The following PITPNB variants were observed in gnomAD, a reference collection of about 807,000 sequenced individuals.
The protein encoded by PITPNB is phosphatidylinositol transfer protein beta.
PITPNB carries 16 observed loss-of-function variants against 45.9 expected under a neutral mutation model. That is an observed-to-expected ratio of 0.35 (90% CI 0.24 to 0.53). PITPNB has a LOEUF of 0.53. Among genes scored for constraint, PITPNB ranks in the 20% least tolerant of loss-of-function variants. PITPNB has a pLI of 0.93. For synonymous variants in PITPNB, 112 were observed against 108.9 expected (o/e 1.03, Z -0.18); for missense variants, 188 against 330.5 (o/e 0.57, Z 3.34).
intron 3 of PITPNB, among the ~76,000 whole-genome samples, chr22:27,904,794 T>C (rs932617479): frequency 2.6e-5 from 4 of 152,072 alleles, no homozygotes; most frequent in Non-Finnish European, 5.9e-5. Context: ...ACAGAAATGA[T>C]TTACAACCCC....
chr22:27,910,082 C>T (rs1807581), intron 3 of PITPNB, among the ~76,000 whole-genome samples: 29,883 of 151,766 alleles, frequency 0.2, 3,353 homozygotes, highest in Admixed American at 0.33. Flanking sequence ...TCCCAAGTAG[C>T]TGGGACTATA....
chr22:27,892,048 C>T (rs1935295016), intron 7 of PITPNB, among the ~76,000 whole-genome samples: 1 of 152,208 alleles, frequency 6.6e-6, no homozygotes, highest in Non-Finnish European at 1.5e-5. Context: ...AACACAGATC[C>T]TCCTCACTTG....
chr22:27,867,542 G>T (rs1218329886), intron 8 of PITPNB, among the ~76,000 whole-genome samples: 1 of 152,192 alleles, frequency 6.6e-6, no homozygotes, highest in African/African-American at 2.4e-5. Context: ...CATTTTCCAT[G>T]TTCCTCCAAA....
intron 7 of PITPNB, among the ~76,000 whole-genome samples, chr22:27,882,996 C>G (rs1935017819): frequency 6.6e-6 from 1 of 152,194 alleles, no homozygotes; most frequent in Non-Finnish European, 1.5e-5. Context: ...CCTGTAAGTA[C>G]CCACACCAAA....
chr22:27,876,474 A>G (rs953984439), intron 7 of PITPNB, among the ~76,000 whole-genome samples: 1 of 152,242 alleles, frequency 6.6e-6, no homozygotes, highest in Non-Finnish European at 1.5e-5. Flanking sequence ...AGATGAGAAT[A>G]ATGAATCTTG....
At chr22:27,894,459 G>A in intron 7 of PITPNB, 96 bp downstream of exon 7, 1 of 718,752 alleles carries the variant, frequency 1.4e-6, no homozygotes, top group Non-Finnish European at 2.5e-6. Flanking sequence ...AAGAAAGAAA[G>A]GAAATAATTT....
intron 9 of PITPNB, among the ~76,000 whole-genome samples, chr22:27,858,905 T>C (rs899979502): frequency 1.3e-5 from 2 of 152,218 alleles, no homozygotes; most frequent in Non-Finnish European, 2.9e-5. Context: ...TAACATTCAC[T>C]ATGAGGTGGA....
At chr22:27,881,064 G>C (rs979187851) in intron 7 of PITPNB, among the ~76,000 whole-genome samples, 1 of 152,236 alleles carries the variant, frequency 6.6e-6, no homozygotes, top group Admixed American at 6.5e-5. Flanking sequence ...ATCTGAAAGT[G>C]TGTGACCATG....
chr22:27,911,566 T>C (rs1224610345), intron 2 of PITPNB, among the ~76,000 whole-genome samples: 1 of 152,170 alleles, frequency 6.6e-6, no homozygotes, highest in Non-Finnish European at 1.5e-5. Flanking sequence ...TTGCTCTTAA[T>C]GATAAAGGGG....
intron 1 of PITPNB, among the ~76,000 whole-genome samples, chr22:27,918,509 A>G (rs1311454586): frequency 3.9e-5 from 6 of 152,238 alleles, no homozygotes; most frequent in African/African-American, 1.4e-4. Context: ...TCCATTTGAC[A>G]GAGCACGTGT....
chr22:27,914,493 G>T lies in PITPNB; in HGVS notation c.21-146C>A, dbSNP rs1433217592. ...TACAAGGGTGTCATTTATGGAAGAG[G>T]GTCTTTGCAATGCCTACACCATAAT... is the stretch of plus-strand genomic sequence containing the variant. On this transcript the variant is annotated intron_variant, in intron 1 of 11. Transcript: ENST00000335272. The T allele has an allele frequency of 3.8e-5, 21 of 556,658 alleles. No individual in the cohort carries two copies. In the South Asian group the frequency reaches 5.1e-4, roughly 14 times the overall value. The allele number at this position is 556,658 out of a possible 1,614,324, so 34.5% of individuals were successfully genotyped here.
intron 9 of PITPNB, among the ~76,000 whole-genome samples, chr22:27,858,990 A>C (rs1934245320): frequency 6.6e-6 from 1 of 152,104 alleles, no homozygotes. Flanking sequence ...CTCTCCCTTA[A>C]TTTTTCTACA....
At chr22:27,873,904 C>T (rs184716604) in intron 7 of PITPNB, 89 bp from the exon 8 acceptor site, 8 of 816,320 alleles carry the variant, frequency 9.8e-6, no homozygotes, top group Admixed American at 1.9e-5. Flanking sequence ...GCTACCAAAA[C>T]ACAGGACAGA....
At chr22:27,907,619 C>G (rs1484203847) in intron 3 of PITPNB, among the ~76,000 whole-genome samples, 1 of 152,064 alleles carries the variant, frequency 6.6e-6, no homozygotes, top group Non-Finnish European at 1.5e-5. Flanking sequence ...TGTGCTTTTG[C>G]CCACAGCTGC....
chr22:27,873,674 C>T lies in PITPNB; in HGVS notation c.534+64G>A. 3.1e-6 allele frequency: 3 copies of T among 982,522 alleles called. No homozygotes were observed. The South Asian group carries it at 3.9e-5, about 13-fold the overall frequency. The allele number at this position is 982,522 out of a possible 1,614,324, so 60.9% of individuals were successfully genotyped here. A position where few individuals can be genotyped will look rare whatever the true frequency, so the allele number is the denominator to read the frequency against. The stretch of plus-strand genomic sequence containing the variant: ...CTTAAACGTCACCAGCTCTTCAAGA[C>T]TCAGGACCTGTCAAGTGTTCTGTTG... On this transcript the variant is annotated intron_variant, in intron 8 of 11. Coordinates refer to ENST00000335272, the MANE Select transcript of PITPNB (RefSeq NM_012399.5).
chr22:27,919,011 C>A (rs1601439804), intron 1 of PITPNB, 161 bp downstream of exon 1: 1 of 1,021,426 alleles, frequency 9.8e-7, no homozygotes, highest in Admixed American at 1.8e-5. Flanking sequence ...GGGGCGCACT[C>A]GCTGAGGGGC....
intron 4 of PITPNB, 50 bp downstream of exon 4, chr22:27,897,749 CCT>C (rs1935476356): frequency 8.8e-7 from 1 of 1,140,092 alleles, no homozygotes; most frequent in African/African-American, 1.5e-5. Flanking sequence ...ACTGGGAATC[CCT>C]CTCATTCTCA....
chr22:27,903,087 G>GA (rs1437720133), intron 3 of PITPNB, among the ~76,000 whole-genome samples: 4 of 152,028 alleles, frequency 2.6e-5, no homozygotes, highest in South Asian at 2.1e-4. Context: ...CAGAATGGGG[G>GA]AAAAATCTGC....
At chr22:27,857,542 G>A (rs944389286) in intron 10 of PITPNB, among the ~76,000 whole-genome samples, 16 of 152,288 alleles carry the variant, frequency 1.1e-4, no homozygotes, top group East Asian at 1.9e-4. Flanking sequence ...ACACGCAGGC[G>A]TCTGTCAAAC....
Sources: gnomAD v4.1 joint callset for allele counts (sites outside exome capture counted in the v4.1 genomes callset) on GRCh38, gnomAD v4.1.1 for gene constraint, MANE v1.5 for transcripts, NCBI Gene and HGNC (gene_info 2026-07-23, HGNC 2026-07-21) for gene names.